Variants in DMD observed in about 807,000 individuals in gnomAD.
The protein encoded by DMD is mutant dystrophin.
Under a neutral mutation model 330.1 loss-of-function variants are expected in DMD, and 63 were observed. The observed-to-expected ratio is 0.19, with a 90% confidence interval of 0.16 to 0.24. The LOEUF (loss-of-function observed/expected upper bound fraction) is 0.24. DMD is among the 10% of genes least tolerant of loss of function. The probability of loss-of-function intolerance (pLI) is 1.00; values close to 1 mark genes in which losing one functional copy is unlikely to be tolerated. For missense variants in DMD, 3,344 were observed against 2,684.1 expected, an observed-to-expected ratio of 1.25 and a Z score of -5.43; for synonymous variants, 1,223 against 959.8, an observed-to-expected ratio of 1.27 and a Z score of -5.07.
intron 48 of DMD, among the ~76,000 whole-genome samples, chrX:31,847,178 C>T (rs1262059296): frequency 8.9e-6 from 1 of 111,774 alleles, no homozygotes; most frequent in Non-Finnish European, 1.9e-5. Context: ...GTCCTTCTAT[C>T]ATCACTATTG....
chrX:33,017,504 C>T (rs1297259825), intron 2 of DMD, among the ~76,000 whole-genome samples: 2 of 110,560 alleles, frequency 1.8e-5, no homozygotes, highest in East Asian at 2.9e-4. Flanking sequence ...TTTTCATTCT[C>T]TTTTTTCTCT....
intron 47 of DMD, among the ~76,000 whole-genome samples, chrX:31,878,938 G>A (rs2094010389): frequency 9.0e-6 from 1 of 111,609 alleles, no homozygotes; most frequent in Non-Finnish European, 1.9e-5. Flanking sequence ...AGGCAGTTTG[G>A]CCATATCTAT....
At chrX:31,552,565 G>C in intron 55 of DMD, among the ~76,000 whole-genome samples, 1 of 111,208 alleles carries the variant, frequency 9.0e-6, no homozygotes, top group Non-Finnish European at 1.9e-5. Flanking sequence ...TTTTATTAGG[G>C]AGTGCAGGCC....
intron 60 of DMD, among the ~76,000 whole-genome samples, chrX:31,440,509 T>C (rs1209215238): frequency 8.9e-6 from 1 of 112,122 alleles, no homozygotes; most frequent in Admixed American, 9.5e-5. Flanking sequence ...AAAAAGAGCA[T>C]GGGAATAGCA....
chrX:32,313,268 C>T (rs557660226), intron 41 of DMD, among the ~76,000 whole-genome samples: 4 of 110,885 alleles, frequency 3.6e-5, no homozygotes, highest in African/African-American at 9.8e-5. Flanking sequence ...TAAATGTAAC[C>T]CATCACATAA....
At chrX:33,091,558 A>G (rs2095085900) in intron 1 of DMD, among the ~76,000 whole-genome samples, 1 of 111,939 alleles carries the variant, frequency 8.9e-6, no homozygotes, top group East Asian at 2.8e-4. Context: ...AGAAAGTTCT[A>G]TGTTTTTTCT....
At chrX:31,282,697 T>C (rs766630768) in intron 62 of DMD, among the ~76,000 whole-genome samples, 4 of 111,742 alleles carry the variant, frequency 3.6e-5, no homozygotes, top group Admixed American at 9.5e-5. Context: ...GAATTTTGTG[T>C]TGGGAAGAAC....
At chrX:32,082,425 T>TATCTATCC (rs1557119330) in intron 44 of DMD, among the ~76,000 whole-genome samples, 1 of 109,754 alleles carries the variant, frequency 9.1e-6, no homozygotes, top group East Asian at 2.9e-4. Context: ...TCTATCTATC[T>TATCTATCC]ATCTATCTAT....
intron 77 of DMD, 51 bp downstream of exon 77, chrX:31,134,051 G>T: frequency 2.7e-6 from 3 of 1,095,046 alleles, no homozygotes; most frequent in Non-Finnish European, 3.8e-6. Flanking sequence ...GTAGGGAAGC[G>T]AGTGGCCTGA....
At chrX:32,213,253 A>C in intron 44 of DMD, among the ~76,000 whole-genome samples, 1 of 112,189 alleles carries the variant, frequency 8.9e-6, no homozygotes, top group Admixed American at 9.5e-5. Context: ...CACTGTCTAC[A>C]TCCTGTCTTC....
intron 19 of DMD, among the ~76,000 whole-genome samples, chrX:32,494,213 A>G (rs775918033): frequency 8.1e-5 from 9 of 111,593 alleles, no homozygotes; most frequent in Non-Finnish European, 1.7e-4. Context: ...TTGCCCCCCA[A>G]AAAATGTTGC....
At chrX:32,502,339 C>A (rs1384095401) in intron 18 of DMD, among the ~76,000 whole-genome samples, 1 of 110,971 alleles carries the variant, frequency 9.0e-6, no homozygotes, top group Admixed American at 9.6e-5. Context: ...TATTTAAATA[C>A]CAGGCTGTAG....
intron 43 of DMD, among the ~76,000 whole-genome samples, chrX:32,236,856 A>T (rs989791917): frequency 8.9e-6 from 1 of 112,511 alleles, no homozygotes; most frequent in Admixed American, 9.4e-5. Flanking sequence ...TGTATTTGAC[A>T]TACAGATGTT....
At chrX:31,696,000 A>G (rs2083434090) in intron 52 of DMD, among the ~76,000 whole-genome samples, 1 of 111,718 alleles carries the variant, frequency 9.0e-6, no homozygotes, top group Non-Finnish European at 1.9e-5. Flanking sequence ...TTATTCCACA[A>G]TGTATATATA....
intron 9 of DMD, among the ~76,000 whole-genome samples, chrX:32,658,253 G>T (rs184093521): frequency 9.0e-6 from 1 of 111,173 alleles, no homozygotes; most frequent in Non-Finnish European, 1.9e-5. Flanking sequence ...TAGCACAAGA[G>T]ATGTCCCCAA....
intron 29 of DMD, among the ~76,000 whole-genome samples, chrX:32,417,435 T>A (rs923344250): frequency 9.0e-6 from 1 of 111,498 alleles, no homozygotes; most frequent in Non-Finnish European, 1.9e-5. Context: ...TCACAGGGTC[T>A]GGGAGTCCAG....
At chrX:31,421,914 C>CACAT (rs1556630357) in intron 60 of DMD, among the ~76,000 whole-genome samples, 10 of 64,113 alleles carry the variant, frequency 1.6e-4, no homozygotes, top group Admixed American at 5.1e-4. Flanking sequence ...CACACACACA[C>CACAT]ATATATATAT....
chrX:32,763,883 AC>A (rs1004311913), intron 7 of DMD, among the ~76,000 whole-genome samples: 1 of 111,493 alleles, frequency 9.0e-6, no homozygotes, highest in Non-Finnish European at 1.9e-5. Context: ...CAAATAAAAA[AC>A]GTTTGTTGAT....
chrX:32,595,300 C>T (rs6631611), intron 13 of DMD, among the ~76,000 whole-genome samples: 1 of 111,476 alleles, frequency 9.0e-6, no homozygotes, highest in Non-Finnish European at 1.9e-5. Context: ...TCTGTGAGTT[C>T]TACGGACTGT....
Sources: gnomAD v4.1 joint callset for allele counts (sites outside exome capture counted in the v4.1 genomes callset) on GRCh38, gnomAD v4.1.1 for gene constraint, MANE v1.5 for transcripts, NCBI Gene and HGNC (gene_info 2026-07-23, HGNC 2026-07-21) for gene names.